Variants in ST3GAL2 observed in about 807,000 individuals in gnomAD.
ST3GAL2 encodes ST3 beta-galactoside alpha-2,3-sialyltransferase 2, also known as CMP-N-acetylneuraminate-beta-galactosamide-alpha-2,3-sialyltransferase 2.
ST3GAL2 carries 16 observed loss-of-function variants against 37.5 expected under a neutral mutation model. That is an observed-to-expected ratio of 0.43 (90% CI 0.29 to 0.65). The LOEUF (loss-of-function observed/expected upper bound fraction) is 0.65. Ranked by LOEUF, ST3GAL2 falls within the 30% of genes least tolerant of loss-of-function variation. The pLI is 0.17. For synonymous variants in ST3GAL2, 238 were observed against 202.9 expected (o/e 1.17, Z -1.47); for missense variants, 383 against 487.8 (o/e 0.79, Z 2.02).
At chr16:70,405,641 T>C (rs1190981209) in intron 1 of ST3GAL2, among the ~76,000 whole-genome samples, 1 of 150,592 alleles carries the variant, frequency 6.6e-6, no homozygotes, top group Non-Finnish European at 1.5e-5. Context: ...GGCAAATCCA[T>C]AGAGACAGAC....
chr16:70,434,335 G>T (rs956213103), intron 1 of ST3GAL2, among the ~76,000 whole-genome samples: 4 of 152,060 alleles, frequency 2.6e-5, no homozygotes, highest in Non-Finnish European at 1.5e-5. Flanking sequence ...TACTCGGGAG[G>T]CTGAGGCATG....
At chr16:70,396,253 C>T (rs1038951567) in intron 2 of ST3GAL2, among the ~76,000 whole-genome samples, 3 of 126,278 alleles carry the variant, frequency 2.4e-5, no homozygotes, top group Non-Finnish European at 4.9e-5. Context: ...TACTTTTACT[C>T]AAAAGTAAAT....
chr16:70,423,673 G>T (rs751245878), intron 1 of ST3GAL2, among the ~76,000 whole-genome samples: 2 of 142,830 alleles, frequency 1.4e-5, no homozygotes, highest in Admixed American at 1.4e-4. Flanking sequence ...ATGACTCAAT[G>T]ATTTTTTTTT....
At chr16:70,435,245 C>T (rs1430210563) in intron 1 of ST3GAL2, among the ~76,000 whole-genome samples, 1 of 152,126 alleles carries the variant, frequency 6.6e-6, no homozygotes, top group Non-Finnish European at 1.5e-5. Context: ...CAAACCAGTA[C>T]AGCTGCCAGA....
chr16:70,437,428 C>T (rs1045082822), intron 1 of ST3GAL2, among the ~76,000 whole-genome samples: 2 of 152,030 alleles, frequency 1.3e-5, no homozygotes, highest in African/African-American at 4.8e-5. Context: ...AGCCTCCTGT[C>T]CCTCCTTTCC....
intron 1 of ST3GAL2, among the ~76,000 whole-genome samples, chr16:70,407,643 C>T (rs528081526): frequency 6.6e-6 from 1 of 152,330 alleles, no homozygotes; most frequent in Admixed American, 6.5e-5. Flanking sequence ...CGAAGGGCTA[C>T]TTCCACCTCC....
intron 2 of ST3GAL2, among the ~76,000 whole-genome samples, chr16:70,396,279 T>C (rs2047515487): frequency 1.4e-5 from 2 of 141,104 alleles, no homozygotes; most frequent in African/African-American, 5.2e-5. Context: ...TTACTCAAAG[T>C]GCTGGAATTA....
At chr16:70,414,998 C>T (rs2047665759) in intron 1 of ST3GAL2, among the ~76,000 whole-genome samples, 1 of 152,068 alleles carries the variant, frequency 6.6e-6, no homozygotes, top group Non-Finnish European at 1.5e-5. Context: ...GTCAGCCTCC[C>T]GAGTATCTGG....
In ST3GAL2 at chr16:70,379,797, T is replaced by A. The variant is rs2047382641; in HGVS notation, c.*1892A>T. ...CCACTGCGCCTGGCTAATTTTTGTATTTTTTTTTTTTTTTGGTAGAGACGA... is the reference window on the plus strand; with the variant it reads ...CCACTGCGCCTGGCTAATTTTTGTAATTTTTTTTTTTTTTGGTAGAGACGA... On this transcript the variant is annotated 3_prime_UTR_variant, in exon 7 of 7. Coordinates refer to ENST00000342907, the MANE Select transcript of ST3GAL2 (RefSeq NM_006927.4). The A allele has an allele frequency of 1.6e-5, 1 of 64,462 alleles. No homozygotes were observed. The highest frequency in any genetic ancestry group is 3.5e-5 in the African/African-American group (1 of 28,798). The allele number at this position is 64,462 out of a possible 1,614,324, so 4.0% of individuals were successfully genotyped here.
At chr16:70,432,472 G>A (rs2047797700) in intron 1 of ST3GAL2, among the ~76,000 whole-genome samples, 1 of 149,618 alleles carries the variant, frequency 6.7e-6, no homozygotes, top group Non-Finnish European at 1.5e-5. Flanking sequence ...CCTGTGCCCT[G>A]GAACCCTACA....
intron 4 of ST3GAL2, among the ~76,000 whole-genome samples, chr16:70,387,372 T>C (rs2047450446): frequency 6.6e-6 from 1 of 152,056 alleles, no homozygotes; most frequent in Admixed American, 6.6e-5. Flanking sequence ...CTGGCCAGCA[T>C]GGCAAAACAC....
chr16:70,381,526 A>G lies in ST3GAL2; in HGVS notation c.*163T>C. ...CAGAAGCTCCGCCCGACCGCAGCGC[A>G]GATTGGTGCCAGGCCCGGCCGGTCC... On this transcript the variant is annotated 3_prime_UTR_variant, in exon 7 of 7. Coordinates refer to ENST00000342907, the MANE Select transcript of ST3GAL2 (RefSeq NM_006927.4). 4 of 785,730 alleles carry G rather than the reference A, an allele frequency of 5.1e-6. No individual in the cohort carries two copies. Among genetic ancestry groups the G allele is most frequent in the Non-Finnish European group, 7.9e-6 (4 of 508,548 alleles). 48.7% of individuals were successfully genotyped at this position (785,730 alleles called of 1,614,324 possible).
At position 70,395,056 on chromosome 16, in the gene ST3GAL2, G is replaced by A. The variant is rs751014858; in HGVS notation, c.459C>T (p.Ala153=). 2.4e-5 allele frequency: 38 copies of A among 1,613,952 alleles called. No individual in the cohort carries two copies. In the East Asian group the frequency reaches 5.6e-4, roughly 24 times the overall value. ...GCAGGTTGCCCGAGTTCCCCACCACGGCACAGCGCCGGCACTGGTGGGGGT... is the reference window on the plus strand; with the variant it reads ...GCAGGTTGCCCGAGTTCCCCACCACAGCACAGCGCCGGCACTGGTGGGGGT... The part of the protein sequence containing the change: ...FRDPHQCRRC[A]VVGNSGNLRG... Residue 153 remains alanine, a synonymous_variant, in exon 3 of 7, where the codon GCC becomes GCT. Coordinates refer to ENST00000342907, the MANE Select transcript of ST3GAL2 (RefSeq NM_006927.4).
At chr16:70,429,322 G>T (rs2047772378) in intron 1 of ST3GAL2, among the ~76,000 whole-genome samples, 1 of 152,086 alleles carries the variant, frequency 6.6e-6, no homozygotes, top group Non-Finnish European at 1.5e-5. Context: ...GGCCGGGTAA[G>T]GTGGCTCAAG....
intron 1 of ST3GAL2, among the ~76,000 whole-genome samples, chr16:70,432,713 G>A (rs2047799522): frequency 1.3e-5 from 2 of 152,142 alleles, no homozygotes; most frequent in African/African-American, 4.8e-5. Flanking sequence ...ATAGCTGAAT[G>A]AGGACTTATC....
At chr16:70,429,463 G>C (rs1053448991) in intron 1 of ST3GAL2, among the ~76,000 whole-genome samples, 1 of 151,672 alleles carries the variant, frequency 6.6e-6, no homozygotes, top group African/African-American at 2.4e-5. Flanking sequence ...CGTAGTGGCA[G>C]ATGCCTGTAG....
At chr16:70,382,056 T>A (rs1210895748) in intron 6 of ST3GAL2, among the ~76,000 whole-genome samples, 194 bp from the exon 7 acceptor site, 1 of 149,542 alleles carries the variant, frequency 6.7e-6, no homozygotes, top group African/African-American at 2.5e-5. Context: ...TCCTCCTTTT[T>A]TTTTTTTTTT....
At position 70,381,641 on chromosome 16, in the gene ST3GAL2, G is replaced by T. The variant is rs766539286; in HGVS notation, c.*48C>A. 1.3e-6 allele frequency: 2 copies of T among 1,594,954 alleles called. No individual in the cohort carries two copies. Among genetic ancestry groups the T allele is most frequent in the Non-Finnish European group, 1.7e-6 (2 of 1,170,396 alleles). On this transcript the variant is annotated 3_prime_UTR_variant, in exon 7 of 7. Coordinates refer to ENST00000342907, the MANE Select transcript of ST3GAL2 (RefSeq NM_006927.4). Reference sequence around the variant, plus strand: ...TGCTGGTCCTGGGTCCCGGGCCGGAGCCCCGGTGCCCGATAGATGGGCCGG... The same window carrying T: ...TGCTGGTCCTGGGTCCCGGGCCGGATCCCCGGTGCCCGATAGATGGGCCGG...
chr16:70,406,169 C>A (rs1356519361), intron 1 of ST3GAL2, among the ~76,000 whole-genome samples: 1 of 151,970 alleles, frequency 6.6e-6, no homozygotes. Context: ...TGGTGCTGGG[C>A]GTGGTGGCTC....
Sources: gnomAD v4.1 joint callset for allele counts (sites outside exome capture counted in the v4.1 genomes callset) on GRCh38, gnomAD v4.1.1 for gene constraint, MANE v1.5 for transcripts, NCBI Gene and HGNC (gene_info 2026-07-23, HGNC 2026-07-21) for gene names.